Variants in DYNLT2 observed in about 807,000 individuals in gnomAD.
DYNLT2 encodes dynein light chain Tctex-type 2.
DYNLT2 carries 24 observed loss-of-function variants against 24.3 expected under a neutral mutation model. The ratio of observed to expected loss-of-function variants is 0.99; its 90% CI spans 0.71 to 1.39. The LOEUF (loss-of-function observed/expected upper bound fraction) is 1.39. Among genes scored for constraint, DYNLT2 ranks in the 40% most tolerant of loss-of-function variants. The probability of loss-of-function intolerance (pLI) is 0.00; values close to 1 mark genes in which losing one functional copy is unlikely to be tolerated. For missense variants in DYNLT2, 246 were observed against 234.5 expected, an observed-to-expected ratio of 1.05 and a Z score of -0.32; for synonymous variants, 85 against 85.4, an observed-to-expected ratio of 1.00 and a Z score of 0.03.
Position 169,744,053 on chromosome 6 carries a change from T to C in DYNLT2, c.327+15A>G. The C allele has an allele frequency of 6.2e-7, 1 of 1,606,726 alleles. No individual in the cohort carries two copies. Among genetic ancestry groups the C allele is most frequent in the Non-Finnish European group, 8.5e-7 (1 of 1,177,236 alleles). On this transcript the variant is annotated intron_variant, in intron 2 of 3. Coordinates refer to ENST00000366774, the MANE Select transcript of DYNLT2 (RefSeq NM_174910.3). ...CCTCATACAATACTGCTATCATATA[T>C]ATTTATCAACCTACTGTTAGTATCT...
chr6:169,730,597 A>G, the DYNLT2 span, among the ~76,000 whole-genome samples: 1 of 152,192 alleles, frequency 6.6e-6, no homozygotes, highest in African/African-American at 2.4e-5. Context: ...CTGATGAACC[A>G]TATAAAGAAA....
downstream of DYNLT2, among the ~76,000 whole-genome samples, chr6:169,737,378 A>G (rs184193376): frequency 6.6e-6 from 1 of 152,284 alleles, no homozygotes; most frequent in East Asian, 1.9e-4. Flanking sequence ...CACTGTGATC[A>G]TGTGGAGGAA....
chr6:169,737,692 C>T (rs1185223542), downstream of DYNLT2, among the ~76,000 whole-genome samples: 3 of 152,128 alleles, frequency 2.0e-5, no homozygotes, highest in Non-Finnish European at 4.4e-5. Context: ...GCTCCTTTTT[C>T]TGGGACCTCT....
chr6:169,748,612 T>C (rs1789865839), intron 1 of DYNLT2, among the ~76,000 whole-genome samples: 1 of 152,200 alleles, frequency 6.6e-6, no homozygotes, highest in South Asian at 2.1e-4. Flanking sequence ...ATTAGCTCCC[T>C]AAACCTCTTA....
At chr6:169,729,306 C>T in the DYNLT2 span, among the ~76,000 whole-genome samples, 3 of 152,064 alleles carry the variant, frequency 2.0e-5, no homozygotes, top group Non-Finnish European at 4.4e-5. Flanking sequence ...TTGTGTAGGC[C>T]GAGGTCTCAT....
intron 1 of DYNLT2, 43 bp downstream of exon 1, chr6:169,751,296 T>A: frequency 3.2e-6 from 5 of 1,586,088 alleles, no homozygotes; most frequent in Non-Finnish European, 4.3e-6. Context: ...ACTTAAACGG[T>A]CGGACATAGC....
chr6:169,730,543 A>G, the DYNLT2 span, among the ~76,000 whole-genome samples: 1 of 152,234 alleles, frequency 6.6e-6, no homozygotes, highest in Non-Finnish European at 1.5e-5. Flanking sequence ...TAAGGAAAGG[A>G]ACTCAAAATG....
At chr6:169,736,414 G>C (rs927973489), downstream of DYNLT2, among the ~76,000 whole-genome samples, 1 of 152,110 alleles carries the variant, frequency 6.6e-6, no homozygotes, top group Non-Finnish European at 1.5e-5. Context: ...AGTGTCATTG[G>C]TCTTTATATT....
chr6:169,725,452 C>T, the DYNLT2 span: 1 of 397,452 alleles, frequency 2.5e-6, no homozygotes, highest in Non-Finnish European at 4.4e-6. Context: ...CTGACGACGC[C>T]GGGCCCTCAA....
Position 169,751,478 on chromosome 6 carries a change from C to A in DYNLT2, c.-20G>T. 1.2e-6 allele frequency: 2 copies of A among 1,612,394 alleles called. No homozygotes were observed. Among genetic ancestry groups the A allele is most frequent in the Non-Finnish European group, 1.7e-6 (2 of 1,179,170 alleles). The stretch of plus-strand genomic sequence containing the variant: ...CTCCATCTCGCTCTGTTCTCCAAGA[C>A]GCCCACCGCCTCCCCTTCACCGCCG... On this transcript the variant is annotated 5_prime_UTR_variant, in exon 1 of 4. Coordinates refer to ENST00000366774, the MANE Select transcript of DYNLT2 (RefSeq NM_174910.3).
At chr6:169,726,809 C>T in the DYNLT2 span, among the ~76,000 whole-genome samples, 7 of 152,278 alleles carry the variant, frequency 4.6e-5, no homozygotes, top group South Asian at 4.2e-4. Context: ...TTTATTCATT[C>T]ATTCATCAAA....
chr6:169,747,235 AT>A (rs917956564), intron 1 of DYNLT2, among the ~76,000 whole-genome samples: 1 of 151,844 alleles, frequency 6.6e-6, no homozygotes, highest in African/African-American at 2.4e-5. Flanking sequence ...TTGCCTTTAA[AT>A]TTTTAAGTCA....
At chr6:169,751,056 G>A (rs1344827845) in intron 1 of DYNLT2, 4 of 355,590 alleles carry the variant, frequency 1.1e-5, no homozygotes, top group Non-Finnish European at 1.5e-5. Flanking sequence ...CGCAAGCTGA[G>A]TAAATTTGAA....
At chr6:169,751,149 C>T in intron 1 of DYNLT2, 190 bp downstream of exon 1, 1 of 813,054 alleles carries the variant, frequency 1.2e-6, no homozygotes. Context: ...CTTTAGCACT[C>T]AAGTCCAAAG....
chr6:169,725,441 A>G, the DYNLT2 span: 1 of 397,688 alleles, frequency 2.5e-6, no homozygotes, highest in Non-Finnish European at 4.4e-6. Context: ...AGAGGTCACC[A>G]CTGACGACGC....
At chr6:169,729,000 A>C in the DYNLT2 span, among the ~76,000 whole-genome samples, 2 of 152,354 alleles carry the variant, frequency 1.3e-5, no homozygotes, top group Admixed American at 6.5e-5. Flanking sequence ...TAATCAATTC[A>C]TAAAATGATG....
intron 3 of DYNLT2, among the ~76,000 whole-genome samples, chr6:169,741,587 A>G (rs964489346): frequency 6.6e-6 from 1 of 152,168 alleles, no homozygotes; most frequent in Admixed American, 6.6e-5. Context: ...AAGCTGAAAC[A>G]TTCCCCCACT....
intron 1 of DYNLT2, among the ~76,000 whole-genome samples, chr6:169,745,158 T>A (rs887537748): frequency 6.6e-6 from 1 of 152,032 alleles, no homozygotes; most frequent in Admixed American, 6.6e-5. Flanking sequence ...AGTGGCGCGA[T>A]CTTGGCTCAC....
In DYNLT2 at chr6:169,744,183, C is replaced by T; in HGVS notation, c.212G>A (p.Gly71Asp). Residue 71 changes from glycine (G) to aspartate (D), a missense_variant, in exon 2 of 4, where the codon GGT becomes GAT. Gly to Asp is a moderately conservative substitution (Grantham distance 94, BLOSUM62 -1). Coordinates refer to ENST00000366774, the MANE Select transcript of DYNLT2 (RefSeq NM_174910.3). ...PPFDDSIADI[G>D]KEWKSALAKL... ...TGCCAGGGCACTCTTCCATTCTTTA[C>T]CTATATCAGCAATTGAGTCATCAAA... The T allele has an allele frequency of 6.2e-7, 1 of 1,613,606 alleles. No homozygotes were observed. The highest frequency in any genetic ancestry group is 8.5e-7 in the Non-Finnish European group (1 of 1,179,992).
Sources: allele counts gnomAD v4.1 joint callset (sites outside exome capture counted in the v4.1 genomes callset), GRCh38; gene constraint gnomAD v4.1.1; transcripts MANE v1.5; gene names NCBI Gene and HGNC (gene_info 2026-07-23, HGNC 2026-07-21).